KITLG: variants seen among roughly 807,000 people sequenced by gnomAD.
The protein encoded by KITLG is KIT ligand, also known as c-Kit ligand.
Under a neutral mutation model 34.1 loss-of-function variants are expected in KITLG, and 13 were observed. The ratio of observed to expected loss-of-function variants is 0.38; its 90% CI spans 0.25 to 0.61. KITLG has a LOEUF of 0.61. Ranked by LOEUF, KITLG falls within the 20% of genes least tolerant of loss-of-function variation. The pLI is 0.60. For synonymous variants in KITLG, 110 were observed against 104.0 expected (o/e 1.06, Z -0.35); for missense variants, 292 against 318.9 (o/e 0.92, Z 0.64).
chr12:88,519,769 G>T (rs528451314), intron 3 of KITLG, among the ~76,000 whole-genome samples: 4 of 151,988 alleles, frequency 2.6e-5, no homozygotes, highest in African/African-American at 7.3e-5. Flanking sequence ...ACTACAAGGC[G>T]CATGCTACCA....
At chr12:88,552,454 T>C (rs1241169523) in intron 1 of KITLG, among the ~76,000 whole-genome samples, 2 of 151,808 alleles carry the variant, frequency 1.3e-5, no homozygotes, top group Non-Finnish European at 2.9e-5. Flanking sequence ...CCTCCCAAAA[T>C]GCTGAGATTA....
chr12:88,508,629 C>A (rs1869158264), intron 6 of KITLG, among the ~76,000 whole-genome samples: 2 of 151,550 alleles, frequency 1.3e-5, no homozygotes, highest in African/African-American at 4.9e-5. Flanking sequence ...TGCTGGTGAT[C>A]CCCACGTAGG....
At chr12:88,541,051 C>T (rs1412966175) in intron 2 of KITLG, among the ~76,000 whole-genome samples, 1 of 152,090 alleles carries the variant, frequency 6.6e-6, no homozygotes, top group Non-Finnish European at 1.5e-5. Flanking sequence ...CAATTCTTCA[C>T]TTTAATGCAG....
rs536092412 is a variant in KITLG, at chr12:88,496,584, G to T, written c.*635C>A. 7.2e-5 allele frequency: 11 copies of T among 152,348 alleles called. No homozygotes were observed. Among genetic ancestry groups the T allele is most frequent in the Admixed American group, 1.3e-4 (2 of 15,254 alleles). 9.4% of individuals were successfully genotyped at this position (152,348 alleles called of 1,614,324 possible). On this transcript the variant is annotated 3_prime_UTR_variant, in exon 10 of 10. Coordinates refer to ENST00000644744, the MANE Select transcript of KITLG (RefSeq NM_000899.5). The stretch of plus-strand genomic sequence containing the variant: ...GGCAACCATTTGCATTTGTATAGTG[G>T]GATATGGGTGAGCATGGTTTACATC...
intron 9 of KITLG, among the ~76,000 whole-genome samples, chr12:88,499,682 C>T (rs1425998849): frequency 6.6e-6 from 1 of 152,174 alleles, no homozygotes; most frequent in African/African-American, 2.4e-5. Context: ...GTTAATGCCA[C>T]CGCACTCTGG....
chr12:88,560,989 A>AG (rs1871280466), intron 1 of KITLG, among the ~76,000 whole-genome samples: 1 of 150,506 alleles, frequency 6.6e-6, no homozygotes, highest in African/African-American at 2.4e-5. Flanking sequence ...AAAAAAAAAA[A>AG]AAAAGAAAGA....
chr12:88,560,838 T>C (rs1279941792), intron 1 of KITLG, among the ~76,000 whole-genome samples: 1 of 151,506 alleles, frequency 6.6e-6, no homozygotes, highest in Non-Finnish European at 1.5e-5. Context: ...CATGGTGGCA[T>C]GCGCCTGTAG....
chr12:88,505,115 A>T (rs771741947), intron 9 of KITLG, 44 bp downstream of exon 9: 1 of 1,016,416 alleles, frequency 9.8e-7, no homozygotes, highest in Non-Finnish European at 1.5e-6. Context: ...AACTTAAAGT[A>T]TAATAAAAAA....
intron 4 of KITLG, 32 bp from the exon 5 acceptor site, chr12:88,516,522 A>G: frequency 3.4e-6 from 5 of 1,482,386 alleles, no homozygotes; most frequent in Non-Finnish European, 4.7e-6. Context: ...CATTTTTCAA[A>G]TAGTCTTCAG....
At chr12:88,527,138 G>T (rs1869903081) in intron 3 of KITLG, among the ~76,000 whole-genome samples, 1 of 152,148 alleles carries the variant, frequency 6.6e-6, no homozygotes, top group Non-Finnish European at 1.5e-5. Flanking sequence ...AAAATGCTGA[G>T]ATTACAGGCG....
In KITLG at chr12:88,540,792, C is replaced by G. The variant is rs962914919; in HGVS notation, c.129+4960G>C. 1.5e-4 allele frequency among the ~76,000 whole-genome samples: 23 copies of G among 152,074 alleles called. 1 individual carries two copies. The highest frequency in any genetic ancestry group is 6.8e-3 in the Middle Eastern group (2 of 292). ...TTAATAAATATTATTTCTAATAGTCCTTTTTTTAAAATACAAAATGTCCTA... is the reference window on the plus strand; with the variant it reads ...TTAATAAATATTATTTCTAATAGTCGTTTTTTTAAAATACAAAATGTCCTA... On this transcript the variant is annotated intron_variant, in intron 2 of 9. Coordinates refer to ENST00000644744, the MANE Select transcript of KITLG (RefSeq NM_000899.5).
intron 1 of KITLG, 71 bp downstream of exon 1, chr12:88,580,193 C>T: frequency 1.3e-6 from 2 of 1,523,474 alleles, no homozygotes; most frequent in Non-Finnish European, 1.8e-6. Context: ...CCAGGGAGCG[C>T]CGGCTTCCCC....
At chr12:88,552,620 G>A (rs2120930808) in intron 1 of KITLG, among the ~76,000 whole-genome samples, 1 of 152,268 alleles carries the variant, frequency 6.6e-6, no homozygotes, top group Admixed American at 6.5e-5. Flanking sequence ...TCCAAATGAG[G>A]AAAGTGAATT....
At chr12:88,548,048 C>T (rs1870774663) in intron 1 of KITLG, among the ~76,000 whole-genome samples, 1 of 152,178 alleles carries the variant, frequency 6.6e-6, no homozygotes, top group African/African-American at 2.4e-5. Flanking sequence ...GTCTACTCTG[C>T]CTTACTGGTG....
intron 9 of KITLG, among the ~76,000 whole-genome samples, chr12:88,500,876 C>T (rs575025270): frequency 1.3e-5 from 2 of 152,164 alleles, no homozygotes; most frequent in Non-Finnish European, 2.9e-5. Context: ...ACCTCTCGGG[C>T]TCAGGCAATC....
chr12:88,544,129 T>C (rs1337105067), intron 2 of KITLG, among the ~76,000 whole-genome samples: 1 of 152,100 alleles, frequency 6.6e-6, no homozygotes, highest in East Asian at 1.9e-4. Context: ...AGGCACTTAG[T>C]ATGGTTCCTC....
chr12:88,533,429 T>C (rs1321347326), intron 2 of KITLG, among the ~76,000 whole-genome samples: 1 of 152,194 alleles, frequency 6.6e-6, no homozygotes, highest in Non-Finnish European at 1.5e-5. Context: ...TACTGAGAGC[T>C]ATACCGGCAA....
At chr12:88,572,333 A>G (rs1296708381) in intron 1 of KITLG, among the ~76,000 whole-genome samples, 1 of 151,900 alleles carries the variant, frequency 6.6e-6, no homozygotes, top group Non-Finnish European at 1.5e-5. Flanking sequence ...ATAATTTTAA[A>G]TTAAAATTAG....
At chr12:88,505,826 A>T (rs896193903) in intron 8 of KITLG, among the ~76,000 whole-genome samples, 1 of 152,210 alleles carries the variant, frequency 6.6e-6, no homozygotes, top group African/African-American at 2.4e-5. Context: ...GTGTGACTAA[A>T]GGTTGAGTTT....
Sources: allele counts gnomAD v4.1 joint callset (sites outside exome capture counted in the v4.1 genomes callset), GRCh38; gene constraint gnomAD v4.1.1; transcripts MANE v1.5; gene names NCBI Gene and HGNC (gene_info 2026-07-23, HGNC 2026-07-21).